The following SOX5 variants were observed in gnomAD, a reference collection of about 807,000 sequenced individuals.
The protein encoded by SOX5 is SRY-box transcription factor 5, also known as transcription factor SOX-5.
SOX5 carries 9 observed loss-of-function variants against 92.0 expected under a neutral mutation model. The ratio of observed to expected loss-of-function variants is 0.10; its 90% CI spans 0.06 to 0.17. SOX5 has a LOEUF of 0.17. SOX5 is among the 10% of genes least tolerant of loss of function. SOX5 has a pLI of 1.00. For synonymous variants in SOX5, 344 were observed against 336.3 expected (o/e 1.02, Z -0.25); for missense variants, 642 against 944.5 (o/e 0.68, Z 4.20).
chr12:23,598,623 T>C (rs558285603), intron 9 of SOX5, among the ~76,000 whole-genome samples: 8 of 151,924 alleles, frequency 5.3e-5, no homozygotes, highest in South Asian at 4.2e-4. Context: ...AAGGTCTCGA[T>C]CTCCTGACCT....
At chr12:23,905,615 A>G (rs540082166) in intron 1 of SOX5, among the ~76,000 whole-genome samples, 186 of 152,338 alleles carry the variant, frequency 1.2e-3, no homozygotes, top group Non-Finnish European at 2.1e-3. Flanking sequence ...AACTCCACTG[A>G]AATCATTTTA....
chr12:23,649,288 A>G (rs147785054), intron 7 of SOX5, among the ~76,000 whole-genome samples: 1 of 152,248 alleles, frequency 6.6e-6, no homozygotes, highest in East Asian at 1.9e-4. Flanking sequence ...TAAGAAAAAA[A>G]AAAGAGTTTT....
chr12:24,161,960 T>A (rs186307895), intron 4 of SOX5, among the ~76,000 whole-genome samples: 1 of 152,016 alleles, frequency 6.6e-6, no homozygotes, highest in Admixed American at 6.6e-5. Context: ...TGAAGAAAAA[T>A]TTATGGTTAA....
chr12:23,758,303 A>T (rs1417828264), intron 3 of SOX5, among the ~76,000 whole-genome samples: 4 of 151,958 alleles, frequency 2.6e-5, no homozygotes, highest in Non-Finnish European at 5.9e-5. Flanking sequence ...GTTTAAAGAG[A>T]TGAAGCAGCA....
At chr12:24,141,463 T>C (rs947002629) in intron 4 of SOX5, among the ~76,000 whole-genome samples, 15 of 152,218 alleles carry the variant, frequency 9.9e-5, no homozygotes, top group African/African-American at 3.6e-4. Flanking sequence ...CAATTAGCAC[T>C]ATTACTTGTA....
At chr12:23,653,321 T>C (rs769650141) in intron 7 of SOX5, among the ~76,000 whole-genome samples, 1 of 152,004 alleles carries the variant, frequency 6.6e-6, no homozygotes, top group Non-Finnish European at 1.5e-5. Context: ...ATAGTCTGTC[T>C]GTATCCCTTC....
chr12:24,383,109 G>T (rs766191549), intron 1 of SOX5, among the ~76,000 whole-genome samples: 2 of 152,114 alleles, frequency 1.3e-5, no homozygotes, highest in Non-Finnish European at 2.9e-5. Context: ...TTGAGAATGC[G>T]ATCTCCCTAT....
chr12:23,949,808 T>G (rs1595863306), upstream of SOX5: 10 of 411,340 alleles, frequency 2.4e-5, no homozygotes, highest in East Asian at 4.6e-5. Flanking sequence ...CCCCCCCTCC[T>G]TCCCCTCCTC....
chr12:23,615,442 AC>A (rs1378321692), intron 8 of SOX5, among the ~76,000 whole-genome samples: 1 of 151,704 alleles, frequency 6.6e-6, no homozygotes, highest in Non-Finnish European at 1.5e-5. Flanking sequence ...TTATTTTGTC[AC>A]CCAGATATTA....
chr12:23,950,850 C>CAGAG (rs756116833), upstream of SOX5: 24 of 1,534,404 alleles, frequency 1.6e-5, no homozygotes, highest in Non-Finnish European at 2.1e-5. Flanking sequence ...CACATACACA[C>CAGAG]AGAGAGAGAG....
intron 1 of SOX5, among the ~76,000 whole-genome samples, chr12:24,408,450 G>A (rs370095349): frequency 2.0e-5 from 3 of 152,212 alleles, no homozygotes; most frequent in Non-Finnish European, 2.9e-5. Context: ...TCACAACCAC[G>A]ATACTGACAT....
chr12:24,332,704 T>C (rs1479427244), intron 2 of SOX5, among the ~76,000 whole-genome samples: 1 of 151,966 alleles, frequency 6.6e-6, no homozygotes, highest in Non-Finnish European at 1.5e-5. Flanking sequence ...TAACAGTAAC[T>C]GAGAGGATGT....
chr12:23,753,170 C>G (rs2094235242), intron 4 of SOX5, among the ~76,000 whole-genome samples: 1 of 151,680 alleles, frequency 6.6e-6, no homozygotes, highest in African/African-American at 2.4e-5. Context: ...TCATTTTTTA[C>G]TTTTTGAATA....
intron 4 of SOX5, among the ~76,000 whole-genome samples, chr12:24,059,382 A>ACACTTGGC (rs140727451): frequency 0.051 from 7,725 of 152,180 alleles, 183 homozygotes; most frequent in East Asian, 0.078. Context: ...AATAAACCCC[A>ACACTTGGC]CACTTGGCGC....
chr12:24,065,918 C>G (rs1224969812), intron 4 of SOX5, among the ~76,000 whole-genome samples: 2 of 152,034 alleles, frequency 1.3e-5, no homozygotes, highest in Non-Finnish European at 2.9e-5. Flanking sequence ...AGGGTGAGGA[C>G]ACAGTTAACT....
At chr12:24,231,415 A>G (rs1963375809) in intron 3 of SOX5, among the ~76,000 whole-genome samples, 1 of 152,118 alleles carries the variant, frequency 6.6e-6, no homozygotes, top group African/African-American at 2.4e-5. Context: ...TCAATCATAA[A>G]CTCAACTCTA....
At chr12:24,388,093 C>G (rs778546825) in intron 1 of SOX5, among the ~76,000 whole-genome samples, 3 of 152,202 alleles carry the variant, frequency 2.0e-5, no homozygotes, top group Non-Finnish European at 4.4e-5. Flanking sequence ...CAATCCTTCA[C>G]TTAAAACTGG....
At chr12:24,514,113 C>A (rs974035423) in intron 1 of SOX5, among the ~76,000 whole-genome samples, 3 of 152,192 alleles carry the variant, frequency 2.0e-5, no homozygotes, top group African/African-American at 7.2e-5. Context: ...AACAACAGGG[C>A]CTTTCAACAA....
chr12:24,127,454 C>T (rs1949221765), intron 4 of SOX5, among the ~76,000 whole-genome samples: 1 of 151,540 alleles, frequency 6.6e-6, no homozygotes, highest in African/African-American at 2.4e-5. Context: ...TAGTTTACCT[C>T]ATTATCTTAT....
Sources: gnomAD v4.1 joint callset for allele counts (sites outside exome capture counted in the v4.1 genomes callset) on GRCh38, gnomAD v4.1.1 for gene constraint, MANE v1.5 for transcripts, NCBI Gene and HGNC (gene_info 2026-07-23, HGNC 2026-07-21) for gene names.